MAK: variants seen among roughly 807,000 people sequenced by gnomAD.
The protein encoded by MAK is serine/threonine-protein kinase MAK.
MAK carries 65 observed loss-of-function variants against 82.6 expected under a neutral mutation model. That is an observed-to-expected ratio of 0.79 (90% CI 0.64 to 0.97). The LOEUF (loss-of-function observed/expected upper bound fraction) is 0.97, where lower values mean the gene tolerates loss of function less well. Ranked by LOEUF, MAK falls within the 50% of genes least tolerant of loss-of-function variation. The probability of loss-of-function intolerance (pLI) is 0.00; values close to 1 mark genes in which losing one functional copy is unlikely to be tolerated. For missense variants in MAK, 703 were observed against 780.2 expected, an observed-to-expected ratio of 0.90 and a Z score of 1.18; for synonymous variants, 250 against 274.2, an observed-to-expected ratio of 0.91 and a Z score of 0.87.
chr6:10,769,749 C>T (rs1017997308), intron 14 of MAK, among the ~76,000 whole-genome samples: 3 of 152,230 alleles, frequency 2.0e-5, no homozygotes, highest in East Asian at 1.9e-4. Flanking sequence ...TCTATCCCAG[C>T]TCCACTAGCT....
At chr6:10,772,977 A>T in intron 13 of MAK, 57 bp downstream of exon 13, 4 of 1,191,750 alleles carry the variant, frequency 3.4e-6, no homozygotes, top group Non-Finnish European at 4.8e-6. Flanking sequence ...TGTTGAGAAG[A>T]AAATCAGACA....
rs1398442353 is a variant in MAK, at chr6:10,813,145, T to A, written c.358+499A>T. The stretch of plus-strand genomic sequence containing the variant: ...ATATATATATATATAAATTTTTTTT[T>A]TTTTTTTTTTTTTTTTTTTTTGAGA... On this transcript the variant is annotated intron_variant, in intron 5 of 14. Coordinates refer to ENST00000354489, the MANE Select transcript of MAK (RefSeq NM_001242957.3). Among the ~76,000 whole-genome samples the A allele has an allele frequency of 9.3e-4, 34 of 36,620 alleles. 4 individuals carry two copies. The highest frequency in any genetic ancestry group is 7.9e-3 in the African/African-American group (32 of 4,070). 24.0% of individuals were successfully genotyped at this position (36,620 alleles called of 152,430 possible).
At chr6:10,784,027 C>A (rs538673151) in intron 11 of MAK, among the ~76,000 whole-genome samples, 14 of 150,740 alleles carry the variant, frequency 9.3e-5, no homozygotes, top group African/African-American at 3.2e-4. Context: ...TCAAAAAAAA[C>A]AAAAAAACAA....
At chr6:10,782,500 T>G (rs1774086708) in intron 11 of MAK, among the ~76,000 whole-genome samples, 1 of 151,906 alleles carries the variant, frequency 6.6e-6, no homozygotes. Flanking sequence ...TCTCTCCCAT[T>G]CATCTCTAAA....
chr6:10,828,422 G>T (rs1581772874), intron 2 of MAK, among the ~76,000 whole-genome samples: 1 of 152,136 alleles, frequency 6.6e-6, no homozygotes, highest in African/African-American at 2.4e-5. Context: ...AACCCTGTGA[G>T]TGAGTGTGAT....
chr6:10,781,261 A>T (rs537048365), intron 11 of MAK, among the ~76,000 whole-genome samples: 2 of 152,232 alleles, frequency 1.3e-5, no homozygotes, highest in South Asian at 4.2e-4. Context: ...TGATGTGACA[A>T]CTTCCTATAC....
At chr6:10,814,265 G>A (rs1490708786) in intron 4 of MAK, among the ~76,000 whole-genome samples, 2 of 152,002 alleles carry the variant, frequency 1.3e-5, no homozygotes, top group Non-Finnish European at 2.9e-5. Context: ...CACTGCACCT[G>A]GCCTAAATAG....
chr6:10,773,710 G>A (rs1479289844), intron 12 of MAK, among the ~76,000 whole-genome samples: 1 of 53,916 alleles, frequency 1.9e-5, no homozygotes, highest in African/African-American at 7.6e-5. Flanking sequence ...TTTTTTTTTT[G>A]AGACAGAATC....
chr6:10,775,593 G>T, intron 11 of MAK, 134 bp from the exon 12 acceptor site: 2 of 970,014 alleles, frequency 2.1e-6, no homozygotes, highest in Non-Finnish European at 3.2e-6. Flanking sequence ...TGAAAATGTA[G>T]CAGATACTTG....
At chr6:10,771,397 G>A (rs1773004137) in intron 13 of MAK, among the ~76,000 whole-genome samples, 1 of 152,140 alleles carries the variant, frequency 6.6e-6, no homozygotes, top group Non-Finnish European at 1.5e-5. Flanking sequence ...CACCGCCCCT[G>A]GGATCTGGCC....
chr6:10,773,172 A>C, intron 12 of MAK, 64 bp from the exon 13 acceptor site: 1 of 896,920 alleles, frequency 1.1e-6, no homozygotes, highest in Admixed American at 2.7e-5. Flanking sequence ...AAAAGCAGAG[A>C]AAAAATGGAT....
intron 10 of MAK, among the ~76,000 whole-genome samples, chr6:10,789,162 GA>G (rs58231573): frequency 0.028 from 2,243 of 79,950 alleles, 21 homozygotes; most frequent in African/African-American, 0.072. Context: ...AAGCAAAAAA[GA>G]AAAAAAAAAA....
intron 10 of MAK, chr6:10,784,814 A>G (rs1238112674): frequency 1.9e-5 from 12 of 645,132 alleles, no homozygotes; most frequent in East Asian, 1.3e-4. Flanking sequence ...CTGAGCAGCA[A>G]TTTACTTGTG....
At position 10,796,313 on chromosome 6, in the gene MAK, TA is replaced by T; in HGVS notation, c.832-5del. Reference sequence around the variant, plus strand: ...GAAAATATGGGTGTTTCAATGCCTATAAAAACACAGAGAAAACAACAAATGG... The same window carrying T: ...GAAAATATGGGTGTTTCAATGCCTATAAAACACAGAGAAAACAACAAATGG... On this transcript the variant is annotated splice_polypyrimidine_tract_variant and splice_region_variant and intron_variant, in intron 8 of 14. Transcript: ENST00000354489. The T allele has an allele frequency of 6.2e-7, 1 of 1,609,748 alleles. No individual in the cohort carries two copies. Among genetic ancestry groups the T allele is most frequent in the Non-Finnish European group, 8.5e-7 (1 of 1,177,972 alleles).
intron 6 of MAK, among the ~76,000 whole-genome samples, chr6:10,806,116 CTTGT>C (rs1301586012): frequency 6.6e-6 from 1 of 151,666 alleles, no homozygotes; most frequent in Non-Finnish European, 1.5e-5. Context: ...GCTTCCTCCT[CTTGT>C]TTGTTCCCTT....
intron 2 of MAK, among the ~76,000 whole-genome samples, chr6:10,822,933 T>C (rs1778075379): frequency 6.6e-6 from 1 of 152,210 alleles, no homozygotes; most frequent in East Asian, 1.9e-4. Flanking sequence ...AAGATTTCAG[T>C]GATCTAAATT....
chr6:10,824,736 A>T, intron 2 of MAK, among the ~76,000 whole-genome samples: 1 of 152,160 alleles, frequency 6.6e-6, no homozygotes, highest in East Asian at 1.9e-4. Flanking sequence ...TTAACAACTC[A>T]GTAACTCATC....
At chr6:10,804,009 G>T in intron 6 of MAK, 118 bp from the exon 7 acceptor site, 1 of 830,304 alleles carries the variant, frequency 1.2e-6, no homozygotes, top group Non-Finnish European at 2.0e-6. Context: ...TTCAGACCCT[G>T]TTCCATCTGT....
chr6:10,834,450 T>C (rs1779022855), intron 1 of MAK, among the ~76,000 whole-genome samples: 1 of 152,222 alleles, frequency 6.6e-6, no homozygotes, highest in Non-Finnish European at 1.5e-5. Context: ...GCCATTCTTA[T>C]GAACTGGTGC....
Sources: allele counts gnomAD v4.1 joint callset (sites outside exome capture counted in the v4.1 genomes callset), GRCh38; gene constraint gnomAD v4.1.1; transcripts MANE v1.5; gene names NCBI Gene and HGNC (gene_info 2026-07-23, HGNC 2026-07-21).